MON2: variants seen among roughly 807,000 people sequenced by gnomAD.
The protein encoded by MON2 is protein MON2 homolog.
A neutral mutation model predicts 208.6 loss-of-function variants in MON2; 84 were observed. That is an observed-to-expected ratio of 0.40 (90% CI 0.34 to 0.48). The LOEUF (loss-of-function observed/expected upper bound fraction) is 0.48. Ranked by LOEUF, MON2 falls within the 20% of genes least tolerant of loss-of-function variation. MON2 has a pLI of 0.59. For missense variants in MON2, 1,611 were observed against 2,015.4 expected, an observed-to-expected ratio of 0.80 and a Z score of 3.84; for synonymous variants, 660 against 694.0, an observed-to-expected ratio of 0.95 and a Z score of 0.77.
chr12:62,509,579 A>C (rs2071287985), intron 8 of MON2, among the ~76,000 whole-genome samples: 1 of 152,194 alleles, frequency 6.6e-6, no homozygotes, highest in Non-Finnish European at 1.5e-5. Flanking sequence ...TCCACCTAAC[A>C]TCAGCAGAAT....
At chr12:62,535,740 T>C (rs2072935751) in intron 14 of MON2, 31 bp downstream of exon 14, 1 of 1,542,338 alleles carries the variant, frequency 6.5e-7, no homozygotes, top group Admixed American at 1.8e-5. Flanking sequence ...ATTCTCTCTA[T>C]GTAGTGGGAT....
intron 4 of MON2, among the ~76,000 whole-genome samples, chr12:62,497,607 G>A (rs1440354834): frequency 6.6e-6 from 1 of 152,026 alleles, no homozygotes; most frequent in East Asian, 1.9e-4. Flanking sequence ...GAAACTGGCG[G>A]TTTCTTTCTT....
intron 30 of MON2, among the ~76,000 whole-genome samples, chr12:62,573,370 A>G (rs375785833): frequency 6.6e-6 from 1 of 151,498 alleles, no homozygotes; most frequent in Non-Finnish European, 1.5e-5. Flanking sequence ...CCCCATTAAC[A>G]AATTGAATAA....
chr12:62,547,107 A>G (rs1384728446), intron 22 of MON2, 35 bp downstream of exon 22: 21 of 1,292,324 alleles, frequency 1.6e-5, no homozygotes, highest in Non-Finnish European at 2.0e-5. Flanking sequence ...AAAAATATGT[A>G]TGAAAAATAA....
chr12:62,569,651 A>G (rs1206408822), intron 29 of MON2, among the ~76,000 whole-genome samples: 3 of 152,144 alleles, frequency 2.0e-5, no homozygotes, highest in African/African-American at 4.8e-5. Context: ...TTGGTCCCAT[A>G]CCCACTCTTG....
intron 2 of MON2, among the ~76,000 whole-genome samples, chr12:62,488,921 G>C (rs1353192131): frequency 6.6e-6 from 1 of 151,994 alleles, no homozygotes; most frequent in Admixed American, 6.6e-5. Context: ...GATGGGTGCA[G>C]CAAACCACCA....
At chr12:62,537,486 CTT>C (rs2073030797) in intron 15 of MON2, 114 bp from the exon 16 acceptor site, 1 of 807,332 alleles carries the variant, frequency 1.2e-6, no homozygotes, top group South Asian at 2.1e-5. Context: ...CCTTCCAAAT[CTT>C]TTTCTTAATT....
chr12:62,553,283 T>C lies in MON2; in HGVS notation c.3210+109T>C, dbSNP rs533968309. 58 of 1,073,764 alleles carry C rather than the reference T, an allele frequency of 5.4e-5. No individual in the cohort carries two copies. In the African/African-American group the frequency reaches 9.2e-4, roughly 17 times the overall value. The allele number at this position is 1,073,764 out of a possible 1,614,324, so 66.5% of individuals were successfully genotyped here. On this transcript the variant is annotated intron_variant, in intron 24 of 34. Coordinates refer to ENST00000393630, the MANE Select transcript of MON2 (RefSeq NM_015026.3). Reference sequence around the variant, plus strand: ...AATTTTTAAAGAATTTCCATGCATTTGTGTATTTGACAAAACAGGAAATAA... The same window carrying C: ...AATTTTTAAAGAATTTCCATGCATTCGTGTATTTGACAAAACAGGAAATAA...
intron 29 of MON2, among the ~76,000 whole-genome samples, chr12:62,570,995 G>A (rs759802610): frequency 1.8e-4 from 28 of 151,994 alleles, no homozygotes; most frequent in Non-Finnish European, 3.5e-4. Flanking sequence ...CTCCCAAAGT[G>A]CTGCGATTAC....
At chr12:62,494,074 A>G (rs755484714) in intron 3 of MON2, 32 bp downstream of exon 3, 1 of 1,581,344 alleles carries the variant, frequency 6.3e-7, no homozygotes, top group African/African-American at 1.3e-5. Flanking sequence ...AACTTCACCT[A>G]AGAGTTGAAT....
rs370175705 is a variant in MON2, at chr12:62,467,261, G to C, written c.54G>C (p.Gln18His). ...EAVKKLLENM[Q>H]SDLRALSLEC... ...TGAAGAAGCTGCTGGAGAATATGCAGAGCGACTTGCGCGCCTTGTCACTGG... is the reference window on the plus strand; with the variant it reads ...TGAAGAAGCTGCTGGAGAATATGCACAGCGACTTGCGCGCCTTGTCACTGG... Residue 18 changes from glutamine to histidine, a missense_variant, in exon 1 of 35, where the codon CAG becomes CAC. Transcript: ENST00000393630. The C allele has an allele frequency of 3.7e-5, 60 of 1,613,912 alleles. No homozygotes were observed. In the African/African-American group the frequency reaches 6.7e-4, roughly 18 times the overall value.
Position 62,565,248 on chromosome 12 carries a change from A to G in MON2, c.4044A>G (p.Val1348=). The G allele has an allele frequency of 1.9e-6, 3 of 1,612,406 alleles. No individual in the cohort carries two copies. Among genetic ancestry groups the G allele is most frequent in the Non-Finnish European group, 2.5e-6 (3 of 1,179,162 alleles). Residue 1348 remains valine (V), a synonymous_variant, in exon 27 of 35, where the codon GTA becomes GTG. Coordinates refer to ENST00000393630, the MANE Select transcript of MON2 (RefSeq NM_015026.3). ...TTTTGCTTTTATAGGCCATTTGTGT[A>G]GGACCAGAAAACATGCAGATAATGT... ...ALDVLQKAIC[V]GPENMQIMYP...
intron 4 of MON2, 127 bp downstream of exon 4, chr12:62,495,274 C>A: frequency 1.3e-6 from 1 of 765,588 alleles, no homozygotes; most frequent in African/African-American, 1.8e-5. Context: ...TGATGATTGA[C>A]ATTGCATGTT....
chr12:62,525,590 G>T (rs1373261782), intron 10 of MON2, among the ~76,000 whole-genome samples: 1 of 152,036 alleles, frequency 6.6e-6, no homozygotes, highest in Non-Finnish European at 1.5e-5. Context: ...TGGAGTTTGG[G>T]AATCTGTATG....
intron 1 of MON2, among the ~76,000 whole-genome samples, chr12:62,475,513 A>G (rs2069025060): frequency 1.3e-5 from 2 of 151,926 alleles, no homozygotes; most frequent in Admixed American, 6.6e-5. Context: ...GTATCTAATT[A>G]GCACCTCCTA....
Position 62,509,875 on chromosome 12 carries a change from G to GTT in MON2, c.984+1404_984+1405dup, listed in dbSNP as rs34273352. On this transcript the variant is annotated intron_variant, in intron 8 of 34. Transcript: ENST00000393630. ...GCAATAGAGAGAATCAATGCAAGTTGTTTTTTTTTTGAAAAGATTAAGAAA... is the reference window on the plus strand; with the variant it reads ...GCAATAGAGAGAATCAATGCAAGTTGTTTTTTTTTTTTGAAAAGATTAAGAAA... 5.1e-4 allele frequency among the ~76,000 whole-genome samples: 76 copies of GTT among 148,474 alleles called. 1 individual carries two copies. The highest frequency in any genetic ancestry group is 3.6e-3 in the East Asian group (18 of 5,060).
chr12:62,581,189 A>G (rs558549383), intron 32 of MON2, among the ~76,000 whole-genome samples: 22 of 152,334 alleles, frequency 1.4e-4, no homozygotes, highest in African/African-American at 5.3e-4. Context: ...GGGAACTGAT[A>G]TATAAATTAC....
intron 34 of MON2, among the ~76,000 whole-genome samples, chr12:62,591,391 A>T (rs993299611): frequency 5.3e-5 from 8 of 152,198 alleles, no homozygotes; most frequent in African/African-American, 1.9e-4. Context: ...GGTTAAATTA[A>T]CAGTATAGCA....
chr12:62,556,182 G>C lies in MON2; in HGVS notation c.3399G>C (p.Leu1133=), dbSNP rs1291930653. Residue 1133 remains leucine (L), a synonymous_variant, in exon 25 of 35, where the codon CTG becomes CTC. Coordinates refer to ENST00000393630, the MANE Select transcript of MON2 (RefSeq NM_015026.3). The stretch of plus-strand genomic sequence containing the variant: ...TCTTCAACACTAGAAGATATTTGCT[G>C]CAGCCTTTAGGTATACGTACATTTT... ...ARIFNTRRYL[L]QPLGDFSRAW... 6.2e-7 allele frequency: 1 copy of C among 1,613,688 alleles called. No homozygotes were observed. Among genetic ancestry groups the C allele is most frequent in the East Asian group, 2.2e-5 (1 of 44,844 alleles).
Sources: gnomAD v4.1 joint callset for allele counts (sites outside exome capture counted in the v4.1 genomes callset) on GRCh38, gnomAD v4.1.1 for gene constraint, MANE v1.5 for transcripts, NCBI Gene and HGNC (gene_info 2026-07-23, HGNC 2026-07-21) for gene names.